GUCY1A2: variants seen among roughly 807,000 people sequenced by gnomAD.
GUCY1A2 encodes the protein guanylate cyclase soluble subunit alpha-2.
In GUCY1A2, 27 loss-of-function variants were observed where a neutral mutation model predicts 63.5. The ratio of observed to expected loss-of-function variants is 0.43; its 90% CI spans 0.31 to 0.59. The LOEUF (loss-of-function observed/expected upper bound fraction) is 0.59, where lower values mean the gene tolerates loss of function less well. GUCY1A2 is among the 20% of genes least tolerant of loss of function. GUCY1A2 has a pLI of 0.11. For synonymous variants in GUCY1A2, 364 were observed against 343.5 expected (o/e 1.06, Z -0.66); for missense variants, 768 against 913.3 (o/e 0.84, Z 2.05).
chr11:106,734,968 T>G (rs114407974), intron 6 of GUCY1A2, among the ~76,000 whole-genome samples: 405 of 152,198 alleles, frequency 2.7e-3, no homozygotes, highest in African/African-American at 9.5e-3. Flanking sequence ...ACTCTCCTAG[T>G]ATTTTCTTTT....
chr11:106,767,891 TAAAAATAATTA>T (rs148699022), intron 6 of GUCY1A2, among the ~76,000 whole-genome samples: 16,668 of 152,008 alleles, frequency 0.11, 1,006 homozygotes, highest in Admixed American at 0.13. Context: ...GCTCAATAAA[TAAAAATAATTA>T]AATAGAATAT....
intron 5 of GUCY1A2, among the ~76,000 whole-genome samples, chr11:106,803,312 C>T (rs1858636241): frequency 6.6e-6 from 1 of 152,128 alleles, no homozygotes; most frequent in African/African-American, 2.4e-5. Context: ...CTTTAAGAAT[C>T]TTTGAGGCCC....
At chr11:106,929,406 G>A (rs1860571238) in intron 4 of GUCY1A2, among the ~76,000 whole-genome samples, 1 of 152,068 alleles carries the variant, frequency 6.6e-6, no homozygotes, top group South Asian at 2.1e-4. Flanking sequence ...ACTAAGCTTT[G>A]AAAGAAGAAG....
At chr11:106,794,387 A>C in intron 5 of GUCY1A2, among the ~76,000 whole-genome samples, 1 of 152,090 alleles carries the variant, frequency 6.6e-6, no homozygotes, top group East Asian at 1.9e-4. Flanking sequence ...AGAAATTTTC[A>C]GTTATAAAGA....
At chr11:106,868,017 C>T (rs569539795) in intron 4 of GUCY1A2, among the ~76,000 whole-genome samples, 6 of 151,996 alleles carry the variant, frequency 3.9e-5, no homozygotes, top group Non-Finnish European at 5.9e-5. Context: ...GACAGATATG[C>T]AGAACAAACT....
chr11:106,701,966 G>A (rs1285661309), intron 7 of GUCY1A2, among the ~76,000 whole-genome samples: 1 of 152,104 alleles, frequency 6.6e-6, no homozygotes, highest in African/African-American at 2.4e-5. Flanking sequence ...ATTTCAAGTA[G>A]TTATCAACCC....
chr11:106,832,207 A>G (rs1209304092), intron 4 of GUCY1A2, among the ~76,000 whole-genome samples: 4 of 152,138 alleles, frequency 2.6e-5, no homozygotes, highest in African/African-American at 9.7e-5. Flanking sequence ...TGTAGTTTGC[A>G]TTCCAGTCAG....
At chr11:106,740,864 C>T (rs1352149346) in intron 6 of GUCY1A2, among the ~76,000 whole-genome samples, 3 of 152,094 alleles carry the variant, frequency 2.0e-5, no homozygotes, top group Non-Finnish European at 2.9e-5. Flanking sequence ...GTAGAGACAG[C>T]GTTTCTCCAT....
At position 106,986,250 on chromosome 11, in the gene GUCY1A2, C is replaced by G. The variant is rs989674791; in HGVS notation, c.304-119G>C. The G allele has an allele frequency of 8.2e-6, 5 of 611,718 alleles. No individual in the cohort carries two copies. The Admixed American group carries it at 8.2e-5, about 10-fold the overall frequency. 37.9% of individuals were successfully genotyped at this position (611,718 alleles called of 1,614,324 possible). ...TTATCTCTTGAGAGTTTTCCTTCTA[C>G]AGTATTAACCCATTTTGCATCATGC... On this transcript the variant is annotated intron_variant, in intron 1 of 7. Transcript: ENST00000526355.
Position 106,787,415 on chromosome 11 carries a change from G to GA in GUCY1A2, c.1693-10834_1693-10833insT, listed in dbSNP as rs111670130. Among the ~76,000 whole-genome samples the GA allele has an allele frequency of 2.3e-4, 31 of 135,940 alleles. No individual in the cohort carries two copies. The South Asian group carries it at 2.3e-3, about 10-fold the overall frequency. 89.2% of individuals were successfully genotyped at this position (135,940 alleles called of 152,430 possible). ...GAACGTGGGAAATTTGCCTTACTTT[G>GA]TTTTTTTTTTTGCTTGAAAACTTTA... On this transcript the variant is annotated intron_variant, in intron 5 of 7. Transcript: ENST00000526355.
At chr11:106,720,511 C>G (rs981683665) in intron 6 of GUCY1A2, among the ~76,000 whole-genome samples, 6 of 152,046 alleles carry the variant, frequency 3.9e-5, no homozygotes, top group Admixed American at 3.9e-4. Flanking sequence ...TTTTGATAAT[C>G]CTCTTTCTTA....
rs1565268972 is a variant in GUCY1A2 at position 106,721,594 on chromosome 11, G to A, written c.1837-12928C>T. Among the ~76,000 whole-genome samples, 4 of 152,216 alleles carry A rather than the reference G, an allele frequency of 2.6e-5. No homozygotes were observed. The South Asian group carries it at 8.3e-4, about 32-fold the overall frequency. On this transcript the variant is annotated intron_variant, in intron 6 of 7. Transcript: ENST00000526355. The stretch of plus-strand genomic sequence containing the variant: ...TTATTCTGTTTGGGCATTAGATGGC[G>A]CTCATGTTCATTTTACTGAGCAGGT...
chr11:106,884,303 A>G (rs1408467379), intron 4 of GUCY1A2, among the ~76,000 whole-genome samples: 1 of 152,218 alleles, frequency 6.6e-6, no homozygotes, highest in East Asian at 1.9e-4. Flanking sequence ...TTCTCTGATT[A>G]TCTTGCACAG....
intron 6 of GUCY1A2, among the ~76,000 whole-genome samples, chr11:106,724,243 T>C (rs773209730): frequency 6.6e-6 from 1 of 152,234 alleles, no homozygotes; most frequent in Non-Finnish European, 1.5e-5. Flanking sequence ...TAAGGGCACA[T>C]GGCAGGCAGA....
chr11:106,855,427 T>C (rs1165780551), intron 4 of GUCY1A2, among the ~76,000 whole-genome samples: 2 of 152,160 alleles, frequency 1.3e-5, no homozygotes, highest in African/African-American at 4.8e-5. Context: ...ATTTCAGTGT[T>C]CTCTTAGATA....
At chr11:106,793,472 G>C (rs1864698991) in intron 5 of GUCY1A2, among the ~76,000 whole-genome samples, 1 of 151,902 alleles carries the variant, frequency 6.6e-6, no homozygotes, top group Admixed American at 6.6e-5. Context: ...CAACAACACA[G>C]TCAACAAAAG....
chr11:106,706,656 CTT>C (rs200165244), intron 7 of GUCY1A2, among the ~76,000 whole-genome samples: 72 of 137,576 alleles, frequency 5.2e-4, no homozygotes, highest in Non-Finnish European at 5.0e-4. Context: ...TTTTACACAT[CTT>C]TTTTTTTTTT....
intron 1 of GUCY1A2, among the ~76,000 whole-genome samples, chr11:107,006,528 G>C (rs1861673137): frequency 1.3e-5 from 2 of 152,176 alleles, no homozygotes; most frequent in Non-Finnish European, 2.9e-5. Flanking sequence ...AAATTATACA[G>C]AAGTCTAAAA....
chr11:106,791,167 A>T (rs2135412194), intron 5 of GUCY1A2, among the ~76,000 whole-genome samples: 1 of 152,252 alleles, frequency 6.6e-6, no homozygotes, highest in Non-Finnish European at 1.5e-5. Context: ...GGCATGGGTG[A>T]TTCCCCTCTG....
Sources: gnomAD v4.1 joint callset for allele counts (sites outside exome capture counted in the v4.1 genomes callset) on GRCh38, gnomAD v4.1.1 for gene constraint, MANE v1.5 for transcripts, NCBI Gene and HGNC (gene_info 2026-07-23, HGNC 2026-07-21) for gene names.